Variants in NUBP1 observed in about 807,000 individuals in gnomAD.
NUBP1 encodes the protein cytosolic Fe-S cluster assembly factor NUBP1.
A neutral mutation model predicts 41.8 loss-of-function variants in NUBP1; 46 were observed. That is an observed-to-expected ratio of 1.10 (90% CI 0.87 to 1.41). NUBP1 has a LOEUF of 1.41. NUBP1 is among the 40% of genes most tolerant of loss of function. NUBP1 has a pLI of 0.00. For synonymous variants in NUBP1, 189 were observed against 154.6 expected, an observed-to-expected ratio of 1.22 and a Z score of -1.65; for missense variants, 494 against 414.0, an observed-to-expected ratio of 1.19 and a Z score of -1.68.
chr16:10,757,515 G>A lies in NUBP1; in HGVS notation c.452-358G>A, dbSNP rs143030942. Among the ~76,000 whole-genome samples the A allele has an allele frequency of 5.9e-5, 9 of 152,242 alleles. No homozygotes were observed. The highest frequency in any genetic ancestry group is 1.3e-4 in the Admixed American group (2 of 15,294). ...TAGACCGTGTTCTACACCATAGGGT[G>A]TTAAACAGTGTCCCTGGCCTTTACC... On this transcript the variant is annotated intron_variant, in intron 6 of 10. Coordinates refer to ENST00000283027, the MANE Select transcript of NUBP1 (RefSeq NM_002484.4). This position sits in a 1 kb window ranked among gnomAD's most constrained non-coding sequence, Gnocchi z 4.1.
Position 10,768,100 on chromosome 16 carries a change from G to T in NUBP1, c.904+68G>T, listed in dbSNP as rs2031172604. The T allele has an allele frequency of 6.8e-6, 10 of 1,479,104 alleles. No individual in the cohort carries two copies. Among genetic ancestry groups the T allele is most frequent in the African/African-American group, 2.8e-5 (2 of 72,242 alleles). 91.6% of individuals were successfully genotyped at this position (1,479,104 alleles called of 1,614,324 possible). A position where few individuals can be genotyped will look rare whatever the true frequency, so the allele number is the denominator to read the frequency against. ...AGGAAGCAACATAAAGGAGCCAGGG[G>T]TGTGGAAGGACAGGTGGGTGGTGGG... is the stretch of plus-strand genomic sequence containing the variant. On this transcript the variant is annotated intron_variant, in intron 10 of 10. Transcript: ENST00000283027. The surrounding 1 kb of genome is among the most constrained non-coding windows in gnomAD (Gnocchi z 4.3).
At chr16:10,756,266 C>T (rs946341506) in intron 5 of NUBP1, among the ~76,000 whole-genome samples, 13 of 152,224 alleles carry the variant, frequency 8.5e-5, no homozygotes, top group East Asian at 3.9e-4. Context: ...GTAACACTGG[C>T]TACTCGGGAG....
rs200071189 is a variant in NUBP1 at position 10,756,377 on chromosome 16, CA to C, written c.361-306del. ...TGGGCAACAGAGCCAGACTTCATCT[CA>C]AAAAAATGAAAAATAAAAAAATAAA... On this transcript the variant is annotated intron_variant, in intron 5 of 10. Coordinates refer to ENST00000283027, the MANE Select transcript of NUBP1 (RefSeq NM_002484.4). Among the ~76,000 whole-genome samples the C allele has an allele frequency of 9.2e-3, 1,337 of 144,912 alleles. 16 individuals are homozygous for C. Among genetic ancestry groups the C allele is most frequent in the Middle Eastern group, 0.014 (4 of 288 alleles).
At position 10,752,591 on chromosome 16, in the gene NUBP1, G is replaced by T. The variant is rs199791672; in HGVS notation, c.259-19G>T. On this transcript the variant is annotated intron_variant, in intron 3 of 10. Transcript: ENST00000283027. ...GTGCATTCAGTTATATAACCGCTTT[G>T]GTCTCTTCTTGTCCCCAGATTGCTC... 1.2e-6 allele frequency: 2 copies of T among 1,608,756 alleles called. No homozygotes were observed. The highest frequency in any genetic ancestry group is 2.2e-5 in the East Asian group (1 of 44,814).
At position 10,765,872 on chromosome 16, in the gene NUBP1, T is replaced by C. The variant is rs779478829; in HGVS notation, c.821-2077T>C. Reference sequence around the variant, plus strand: ...ATGGTCCTGTGTGTCAAATGGCACATTGCAGAAGCTCACCTTGAGGGGAAG... The same window carrying C: ...ATGGTCCTGTGTGTCAAATGGCACACTGCAGAAGCTCACCTTGAGGGGAAG... On this transcript the variant is annotated intron_variant, in intron 9 of 10. Transcript: ENST00000283027. The surrounding 1 kb of genome is among the most constrained non-coding windows in gnomAD (Gnocchi z 4.0). 1.1e-4 allele frequency among the ~76,000 whole-genome samples: 16 copies of C among 152,158 alleles called. No individual in the cohort carries two copies. The highest frequency in any genetic ancestry group is 5.2e-4 in the Admixed American group (8 of 15,274).
chr16:10,746,015 C>T (rs542195923), intron 2 of NUBP1, among the ~76,000 whole-genome samples: 1 of 152,278 alleles, frequency 6.6e-6, no homozygotes, highest in South Asian at 2.1e-4. Flanking sequence ...CAAAGGAGTT[C>T]CTTAGGAGCA....
chr16:10,745,051 C>T (rs1258451062), intron 2 of NUBP1, among the ~76,000 whole-genome samples: 1 of 151,342 alleles, frequency 6.6e-6, no homozygotes, highest in African/African-American at 2.4e-5. Flanking sequence ...AGCCACTGCA[C>T]CTGGCCAAGG....
chr16:10,761,731 T>C (rs748985080), intron 8 of NUBP1, 26 bp from the exon 9 acceptor site: 2 of 1,578,156 alleles, frequency 1.3e-6, no homozygotes, highest in Non-Finnish European at 1.7e-6. Flanking sequence ...AAATTATGTT[T>C]CCTCCCCTTT....
chr16:10,751,060 A>G (rs985276355), intron 3 of NUBP1, among the ~76,000 whole-genome samples: 2 of 152,186 alleles, frequency 1.3e-5, no homozygotes, highest in Non-Finnish European at 2.9e-5. Flanking sequence ...CGTCCTGGCC[A>G]TCTGGGTAGC....
intron 7 of NUBP1, among the ~76,000 whole-genome samples, chr16:10,760,295 G>C (rs911205454): frequency 1.6e-4 from 24 of 152,242 alleles, no homozygotes; most frequent in African/African-American, 5.5e-4. Flanking sequence ...ACGGTGCCTA[G>C]AGGGACGGGC....
intron 3 of NUBP1, 39 bp from the exon 4 acceptor site, chr16:10,752,571 T>C: frequency 6.5e-7 from 1 of 1,548,878 alleles, no homozygotes; most frequent in South Asian, 1.1e-5. Flanking sequence ...AGTGTGTGCA[T>C]TCAGTTATAT....
At chr16:10,756,333 T>C (rs1048445253) in intron 5 of NUBP1, among the ~76,000 whole-genome samples, 3 of 151,968 alleles carry the variant, frequency 2.0e-5, no homozygotes, top group Non-Finnish European at 4.4e-5. Context: ...AAGCTGAGAT[T>C]GCACCATGCA....
Position 10,767,917 on chromosome 16 carries a change from C to A in NUBP1, c.821-32C>A, listed in dbSNP as rs763571135. On this transcript the variant is annotated intron_variant, in intron 9 of 10. Transcript: ENST00000283027. The surrounding 1 kb of genome is among the most constrained non-coding windows in gnomAD (Gnocchi z 4.6). The stretch of plus-strand genomic sequence containing the variant: ...GTGGCCATTCTGTTTTCCTCTTGGA[C>A]TGAATTGTCTTCCGTTTGTTTCTTT... 1.9e-6 allele frequency: 3 copies of A among 1,603,206 alleles called. No homozygotes were observed. Among genetic ancestry groups the A allele is most frequent in the African/African-American group, 2.7e-5 (2 of 74,716 alleles).
Position 10,766,516 on chromosome 16 carries a change from G to C in NUBP1, c.821-1433G>C, listed in dbSNP as rs888474616. 1.3e-5 allele frequency among the ~76,000 whole-genome samples: 2 copies of C among 152,152 alleles called. No individual in the cohort carries two copies. The highest frequency in any genetic ancestry group is 3.8e-4 in the East Asian group (2 of 5,196). The stretch of plus-strand genomic sequence containing the variant: ...CAGGGACAGAAAGTAGCCCCAGCAT[G>C]ACTATTCTGGGATCCCCAACCTCCC... On this transcript the variant is annotated intron_variant, in intron 9 of 10. Coordinates refer to ENST00000283027, the MANE Select transcript of NUBP1 (RefSeq NM_002484.4). The surrounding 1 kb of genome is among the most constrained non-coding windows in gnomAD (Gnocchi z 4.8).
chr16:10,747,090 C>A, intron 2 of NUBP1, 53 bp from the exon 3 acceptor site: 2 of 1,604,442 alleles, frequency 1.2e-6, no homozygotes, highest in South Asian at 2.2e-5. Flanking sequence ...GGAAGCGTGA[C>A]ATTCGAGGTT....
intron 3 of NUBP1, among the ~76,000 whole-genome samples, chr16:10,751,941 C>T (rs1900338499): frequency 6.6e-6 from 1 of 152,226 alleles, no homozygotes; most frequent in South Asian, 2.1e-4. Context: ...GCTTATTGAA[C>T]TGGTCCCCTC....
intron 2 of NUBP1, among the ~76,000 whole-genome samples, chr16:10,745,916 G>C (rs556853849): frequency 1.3e-5 from 2 of 152,314 alleles, no homozygotes; most frequent in South Asian, 4.1e-4. Context: ...TAATAGGGAA[G>C]GAGTTAGACT....
chr16:10,751,384 G>C (rs912250151), intron 3 of NUBP1, among the ~76,000 whole-genome samples: 4 of 152,268 alleles, frequency 2.6e-5, no homozygotes, highest in South Asian at 2.1e-4. Flanking sequence ...TCGCTCTGCT[G>C]TTCTCCCCGG....
At chr16:10,761,980 T>C in intron 9 of NUBP1, 121 bp downstream of exon 9, 1 of 738,866 alleles carries the variant, frequency 1.4e-6, no homozygotes, top group Non-Finnish European at 2.2e-6. Context: ...AATGGGGCGC[T>C]GGAGCCAGAC....
Sources: gnomAD v4.1 joint callset for allele counts (sites outside exome capture counted in the v4.1 genomes callset) on GRCh38, gnomAD v4.1.1 for gene constraint, Gnocchi (gnomAD v3.1) non-coding constraint, MANE v1.5 for transcripts, NCBI Gene and HGNC (gene_info 2026-07-23, HGNC 2026-07-21) for gene names.